PRAMEF4: variants seen among roughly 807,000 people sequenced by gnomAD.
PRAMEF4 encodes the protein PRAME family member 4.
PRAMEF4 carries 18 observed loss-of-function variants against 34.4 expected under a neutral mutation model. The observed-to-expected ratio is 0.52, with a 90% CI of 0.36 to 0.78. The LOEUF (loss-of-function observed/expected upper bound fraction) is 0.78. PRAMEF4 is among the 30% of genes least tolerant of loss of function. The pLI, the probability that PRAMEF4 is intolerant of heterozygous loss-of-function variation, is 0.00. For synonymous variants in PRAMEF4, 156 were observed against 219.3 expected (o/e 0.71, Z 2.55); for missense variants, 482 against 569.1 (o/e 0.85, Z 1.56).
intron 1 of PRAMEF4, among the ~76,000 whole-genome samples, chr1:12,885,258 T>C (rs1253856887): frequency 6.7e-6 from 1 of 149,822 alleles, no homozygotes; most frequent in Non-Finnish European, 1.5e-5. Context: ...GCCTTCCACA[T>C]AGCTGGGACT....
Position 12,879,361 on chromosome 1 carries a change from A to G in PRAMEF4, c.*183T>C, listed in dbSNP as rs1640839927. On this transcript the variant is annotated 3_prime_UTR_variant, in exon 4 of 4. Coordinates refer to ENST00000235349, the MANE Select transcript of PRAMEF4 (RefSeq NM_001009611.4). ...GACACAGGTCCCCAAAGTCCCATCGAATCCATGGCAACATTTCCCCCAAGT... is the reference window on the plus strand; with the variant it reads ...GACACAGGTCCCCAAAGTCCCATCGGATCCATGGCAACATTTCCCCCAAGT... 1 of 758,804 alleles carries G rather than the reference A, an allele frequency of 1.3e-6. No individual in the cohort carries two copies. Among genetic ancestry groups the G allele is most frequent in the South Asian group, 1.9e-5 (1 of 52,874 alleles). 47.0% of individuals were successfully genotyped at this position (758,804 alleles called of 1,614,324 possible). A position where few individuals can be genotyped will look rare whatever the true frequency, so the allele number is the denominator to read the frequency against.
chr1:12,880,536 A>T (rs934513345), intron 3 of PRAMEF4, among the ~76,000 whole-genome samples: 1 of 149,714 alleles, frequency 6.7e-6, no homozygotes, highest in African/African-American at 2.5e-5. Flanking sequence ...AGATCATGCC[A>T]CTACACTCCA....
At chr1:12,882,922 G>A (rs1287645250) in intron 2 of PRAMEF4, among the ~76,000 whole-genome samples, 180 bp downstream of exon 2, 3 of 146,812 alleles carry the variant, frequency 2.0e-5, no homozygotes, top group Non-Finnish European at 4.5e-5. Context: ...AGAGGTTCCT[G>A]TTACCTCCAT....
chr1:12,885,809 C>T (rs28562065), intron 1 of PRAMEF4, among the ~76,000 whole-genome samples: 1 of 145,156 alleles, frequency 6.9e-6, no homozygotes, highest in African/African-American at 2.6e-5. Context: ...AAACGTTGTG[C>T]AGAGGAGGGT....
In PRAMEF4 at chr1:12,879,755, T is replaced by C; in HGVS notation, c.1226A>G (p.Asn409Ser). The C allele has an allele frequency of 6.2e-7, 1 of 1,602,656 alleles. No individual in the cohort carries two copies. Among genetic ancestry groups the C allele is most frequent in the South Asian group, 1.1e-5 (1 of 90,384 alleles). ...GGCAGGATACAGCTCCACGCATAAG[T>C]TTTTGAGTATGATTGTGTGGCTCAG... Reference protein sequence around the residue: ...NLLSHTIILKNLCVELYPAPR... With the variant: ...NLLSHTIILKSLCVELYPAPR... The change falls in exon 4 of 4, where the codon AAC becomes AGC. Residue 409 changes from asparagine to serine, a missense_variant. Transcript: ENST00000235349.
chr1:12,883,494 T>G, intron 1 of PRAMEF4, 84 bp from the exon 2 acceptor site: 1 of 1,549,550 alleles, frequency 6.5e-7, no homozygotes, highest in African/African-American at 1.4e-5. Flanking sequence ...CCAAACTCAC[T>G]GCTCTGGCAA....
intron 3 of PRAMEF4, among the ~76,000 whole-genome samples, chr1:12,880,779 G>A (rs1358652507): frequency 6.9e-6 from 1 of 145,430 alleles, no homozygotes; most frequent in Non-Finnish European, 1.5e-5. Flanking sequence ...CATCAGCTAC[G>A]GTGGGCGGGC....
rs575971370 is a variant in PRAMEF4 at position 12,881,269 on chromosome 1, G to A, written c.875+585C>T. ...TAATCCCAGGCACTCAGGAGGCTGAGGCAGGAGAATCGCATGAACCTGGGA... is the reference window on the plus strand; with the variant it reads ...TAATCCCAGGCACTCAGGAGGCTGAAGCAGGAGAATCGCATGAACCTGGGA... On this transcript the variant is annotated intron_variant, in intron 3 of 3. Coordinates refer to ENST00000235349, the MANE Select transcript of PRAMEF4 (RefSeq NM_001009611.4). 2.4e-4 allele frequency among the ~76,000 whole-genome samples: 35 copies of A among 148,638 alleles called. 2 individuals carry two copies. Among genetic ancestry groups the A allele is most frequent in the African/African-American group, 8.8e-4 (35 of 39,758 alleles).
chr1:12,885,592 C>T (rs1359777644), intron 1 of PRAMEF4, among the ~76,000 whole-genome samples: 1 of 146,858 alleles, frequency 6.8e-6, no homozygotes, highest in Non-Finnish European at 1.5e-5. Context: ...ACCAACCTGG[C>T]CAGCGTGGTG....
chr1:12,883,105 G>A lies in PRAMEF4; in HGVS notation c.290C>T (p.Pro97Leu), dbSNP rs574593001. The A allele has an allele frequency of 4.3e-5, 69 of 1,601,102 alleles. 5 individuals are homozygous for A. The South Asian group carries it at 7.7e-4, about 18-fold the overall frequency. ...CAGCCCACCTGGGCCACCTCACCTG[G>A]GACGAACCCCTAGGTTAAGCAGTGC... ...LDALLNLGVR[P>L]RRWKLQVLDL... Residue 97 changes from proline (P) to leucine (L), a missense_variant, in exon 2 of 4, where the codon CCC (proline) becomes CTC (leucine). Transcript: ENST00000235349.
At chr1:12,885,170 C>A (rs1276927302) in intron 1 of PRAMEF4, among the ~76,000 whole-genome samples, 7 of 150,556 alleles carry the variant, frequency 4.6e-5, no homozygotes, top group Non-Finnish European at 1.0e-4. Flanking sequence ...CACTTCGTCG[C>A]CCAGGCTGGA....
At position 12,881,140 on chromosome 1, in the gene PRAMEF4, T is replaced by C. The variant is rs4079286; in HGVS notation, c.875+714A>G. Among the ~76,000 whole-genome samples the C allele has an allele frequency of 1.9e-4, 28 of 147,846 alleles. 1 individual carries two copies. The highest frequency in any genetic ancestry group is 1.2e-4 in the Non-Finnish European group (8 of 67,324). ...CAGCACTTTGGGAGTCCATGGTGGG[T>C]GGATCACCTGAAGTCAGGAGTTGGA... On this transcript the variant is annotated intron_variant, in intron 3 of 3. Transcript: ENST00000235349.
intron 1 of PRAMEF4, among the ~76,000 whole-genome samples, chr1:12,885,812 A>C (rs1448910865): frequency 6.9e-6 from 1 of 145,200 alleles, no homozygotes; most frequent in East Asian, 2.0e-4. Flanking sequence ...CGTTGTGCAG[A>C]GGAGGGTTTT....
At position 12,879,274 on chromosome 1, in the gene PRAMEF4, T is replaced by G; in HGVS notation, c.*270A>C. 1.9e-6 allele frequency: 1 copy of G among 533,018 alleles called. No homozygotes were observed. The highest frequency in any genetic ancestry group is 2.2e-5 in the South Asian group (1 of 45,598). 33.0% of individuals were successfully genotyped at this position (533,018 alleles called of 1,614,324 possible). A position where few individuals can be genotyped will look rare whatever the true frequency, so the allele number is the denominator to read the frequency against. Reference sequence around the variant, plus strand: ...AACCATCCATGCAAGAGTAACTCCCTCATGTATTCTCAAGCCTGAATTCCA... The same window carrying G: ...AACCATCCATGCAAGAGTAACTCCCGCATGTATTCTCAAGCCTGAATTCCA... On this transcript the variant is annotated 3_prime_UTR_variant, in exon 4 of 4. Coordinates refer to ENST00000235349, the MANE Select transcript of PRAMEF4 (RefSeq NM_001009611.4).
Position 12,885,336 on chromosome 1 carries a change from A to C in PRAMEF4, c.-17+811T>G, listed in dbSNP as rs1442348688. Among the ~76,000 whole-genome samples, 58 of 150,092 alleles carry C rather than the reference A, an allele frequency of 3.9e-4. 7 individuals are homozygous for C. Among genetic ancestry groups the C allele is most frequent in the African/African-American group, 1.4e-3 (55 of 40,564 alleles). On this transcript the variant is annotated intron_variant, in intron 1 of 3. Transcript: ENST00000235349. ...AGAGGATGTGATTGGTTTAAAATTA[A>C]GGTCAAAGATCCTTTTTGATTGATT...
At position 12,879,649 on chromosome 1, in the gene PRAMEF4, C is replaced by A. The variant is rs879989555; in HGVS notation, c.1332G>T (p.Val444=). ...TCCTCTTGGGGTGCCTTAAGTCCCTCACTCTGTTCATCAGCTCAGCCCTAA... is the reference window on the plus strand; with the variant it reads ...TCCTCTTGGGGTGCCTTAAGTCCCTAACTCTGTTCATCAGCTCAGCCCTAA... ...AQIRAELMNR[V]RDLRHPKRIL... The change falls in exon 4 of 4, where the codon GTG becomes GTT. Residue 444 remains valine, a synonymous_variant. Coordinates refer to ENST00000235349, the MANE Select transcript of PRAMEF4 (RefSeq NM_001009611.4). The A allele has an allele frequency of 1.4e-5, 23 of 1,598,192 alleles. 2 individuals are homozygous for A. The highest frequency in any genetic ancestry group is 2.2e-5 in the South Asian group (2 of 90,234).
rs567231454 is a variant in PRAMEF4, at chr1:12,886,188, G to T, written c.-58C>A. On this transcript the variant is annotated 5_prime_UTR_variant, in exon 1 of 4. Transcript: ENST00000235349. ...CTAGAAGGTTCTCAGATCTCAGGAAGAACCAAGCAGGAACTCCAGGCTTGA... is the reference window on the plus strand; with the variant it reads ...CTAGAAGGTTCTCAGATCTCAGGAATAACCAAGCAGGAACTCCAGGCTTGA... 1.4e-5 allele frequency: 2 copies of T among 145,806 alleles called. No individual in the cohort carries two copies. Among genetic ancestry groups the T allele is most frequent in the African/African-American group, 5.2e-5 (2 of 38,754 alleles). 9.0% of individuals were successfully genotyped at this position (145,806 alleles called of 1,614,324 possible). A position where few individuals can be genotyped will look rare whatever the true frequency, so the allele number is the denominator to read the frequency against.
chr1:12,884,805 G>T (rs935273616), intron 1 of PRAMEF4, among the ~76,000 whole-genome samples: 5 of 149,028 alleles, frequency 3.4e-5, no homozygotes, highest in Non-Finnish European at 5.9e-5. Flanking sequence ...TTAACTGATC[G>T]AATTAGATAT....
At position 12,885,829 on chromosome 1, in the gene PRAMEF4, G is replaced by T. The variant is rs957626887; in HGVS notation, c.-17+318C>A. Among the ~76,000 whole-genome samples, 47 of 142,798 alleles carry T rather than the reference G, an allele frequency of 3.3e-4. 4 individuals carry two copies. The highest frequency in any genetic ancestry group is 6.2e-4 in the Non-Finnish European group (41 of 66,040). 93.7% of individuals were successfully genotyped at this position (142,798 alleles called of 152,430 possible). A position where few individuals can be genotyped will look rare whatever the true frequency, so the allele number is the denominator to read the frequency against. ...TTGTGCAGAGGAGGGTTTTTGTCAT[G>T]TTGTCCAGGTTGGTCTCAAATCCCT... On this transcript the variant is annotated intron_variant, in intron 1 of 3. Transcript: ENST00000235349.
Sources: gnomAD v4.1 joint callset for allele counts (sites outside exome capture counted in the v4.1 genomes callset) on GRCh38, gnomAD v4.1.1 for gene constraint, MANE v1.5 for transcripts, NCBI Gene and HGNC (gene_info 2026-07-23, HGNC 2026-07-21) for gene names.